STAC: variants seen among roughly 807,000 people sequenced by gnomAD.
STAC encodes SH3 and cysteine-rich domain-containing protein.
Under a neutral mutation model 48.8 loss-of-function variants are expected in STAC, and 43 were observed. That is an observed-to-expected ratio of 0.88 (90% CI 0.69 to 1.14). The LOEUF (loss-of-function observed/expected upper bound fraction) is 1.14, where lower values mean the gene tolerates loss of function less well. Among genes scored for constraint, STAC ranks in the 50% most tolerant of loss-of-function variants. The pLI, the probability that STAC is intolerant of heterozygous loss-of-function variation, is 0.00. For missense variants in STAC, 497 were observed against 504.0 expected, an observed-to-expected ratio of 0.99 and a Z score of 0.13; for synonymous variants, 193 against 179.5, an observed-to-expected ratio of 1.07 and a Z score of -0.60.
chr3:36,450,908 T>C (rs1696658073), intron 2 of STAC, among the ~76,000 whole-genome samples: 1 of 152,232 alleles, frequency 6.6e-6, no homozygotes, highest in Non-Finnish European at 1.5e-5. Flanking sequence ...TTCATGTTTG[T>C]TTGATAGGCC....
chr3:36,482,242 C>T (rs1014197761), intron 2 of STAC, among the ~76,000 whole-genome samples: 2 of 152,198 alleles, frequency 1.3e-5, no homozygotes, highest in African/African-American at 4.8e-5. Flanking sequence ...CGGTGTGCAG[C>T]ACCTGCCATC....
At chr3:36,400,165 A>C (rs1246593561) in intron 1 of STAC, among the ~76,000 whole-genome samples, 1 of 152,198 alleles carries the variant, frequency 6.6e-6, no homozygotes, top group Non-Finnish European at 1.5e-5. Context: ...GTTCGTTGTC[A>C]AATTCAGGTC....
At chr3:36,533,698 C>A (rs1161292679) in intron 10 of STAC, among the ~76,000 whole-genome samples, 2 of 152,096 alleles carry the variant, frequency 1.3e-5, no homozygotes, top group African/African-American at 4.8e-5. Context: ...GGCCTCATAC[C>A]TGCATTCTCT....
intron 10 of STAC, among the ~76,000 whole-genome samples, chr3:36,543,255 C>T (rs1699371785): frequency 6.6e-6 from 1 of 152,180 alleles, no homozygotes; most frequent in Non-Finnish European, 1.5e-5. Context: ...GTTTCAGGCT[C>T]TGCCATTGTT....
At chr3:36,497,939 C>A (rs775382910) in intron 6 of STAC, among the ~76,000 whole-genome samples, 2 of 152,070 alleles carry the variant, frequency 1.3e-5, no homozygotes, top group Non-Finnish European at 2.9e-5. Flanking sequence ...CAAATATAAA[C>A]CCTCTCTAGA....
rs898301696 is a variant in STAC at position 36,453,596 on chromosome 3, G to T, written c.388+9956G>T. On this transcript the variant is annotated intron_variant, in intron 2 of 10. Coordinates refer to ENST00000273183, the MANE Select transcript of STAC (RefSeq NM_003149.3). ...GCCTGAGCCTCCCACCCCCTCCGTG[G>T]GTTCCTGTGCGGCTGGAGCCTCCCT... Among the ~76,000 whole-genome samples, 4 of 152,114 alleles carry T rather than the reference G, an allele frequency of 2.6e-5. 1 individual carries two copies. The highest frequency in any genetic ancestry group is 9.6e-5 in the African/African-American group (4 of 41,452).
chr3:36,430,401 C>T (rs1257764231), intron 1 of STAC, among the ~76,000 whole-genome samples: 5 of 152,118 alleles, frequency 3.3e-5, no homozygotes, highest in African/African-American at 9.7e-5. Context: ...GGAGCTGAGA[C>T]TTAGATAATG....
chr3:36,443,620 T>A lies in STAC; in HGVS notation c.368T>A (p.Val123Asp), dbSNP rs566617320. Reference protein sequence around the residue: ...YIFKKPTFCDVCNHMIVGTNA... With the variant: ...YIFKKPTFCDDCNHMIVGTNA... ...TTCAAGAAGCCCACTTTCTGTGATGTCTGCAACCACATGATAGTGGGTAAG... is the reference window on the plus strand; with the variant it reads ...TTCAAGAAGCCCACTTTCTGTGATGACTGCAACCACATGATAGTGGGTAAG... Residue 123 changes from valine to aspartate, a missense_variant, in exon 2 of 11, where the codon GTC becomes GAC. Val to Asp is a radical substitution (Grantham distance 152). Transcript: ENST00000273183. The surrounding 1 kb of genome is among the most constrained non-coding windows in gnomAD (Gnocchi z 4.2). The A allele has an allele frequency of 6.2e-7, 1 of 1,612,836 alleles. No individual in the cohort carries two copies. The highest frequency in any genetic ancestry group is 2.2e-5 in the East Asian group (1 of 44,874).
At chr3:36,542,005 T>A (rs1021825559) in intron 10 of STAC, among the ~76,000 whole-genome samples, 1 of 148,864 alleles carries the variant, frequency 6.7e-6, no homozygotes, top group African/African-American at 2.5e-5. Context: ...GGAGGAAGGA[T>A]GGAGAGAGAA....
chr3:36,529,269 T>C (rs4635662), intron 10 of STAC: 6 of 199,902 alleles, frequency 3.0e-5, no homozygotes, highest in Non-Finnish European at 6.1e-5. Context: ...CGGTCTCTGA[T>C]GTGGACAGCT....
At chr3:36,402,361 G>A (rs1700013829) in intron 1 of STAC, among the ~76,000 whole-genome samples, 3 of 151,918 alleles carry the variant, frequency 2.0e-5, no homozygotes, top group Admixed American at 2.0e-4. Context: ...AAAGAGGGCG[G>A]TGAGGAAGAA....
At chr3:36,467,045 A>G (rs1363419353) in intron 2 of STAC, among the ~76,000 whole-genome samples, 4 of 151,710 alleles carry the variant, frequency 2.6e-5, no homozygotes, top group African/African-American at 9.7e-5. Flanking sequence ...TGAGGGTTTT[A>G]ATCATAAAGT....
intron 8 of STAC, among the ~76,000 whole-genome samples, chr3:36,520,052 G>GTC (rs1229655569): frequency 1.3e-5 from 2 of 152,148 alleles, no homozygotes; most frequent in African/African-American, 4.8e-5. Context: ...GAAAGGATAT[G>GTC]CCAGACGGGA....
At chr3:36,465,606 G>GGACA (rs1386309985) in intron 2 of STAC, among the ~76,000 whole-genome samples, 7 of 151,856 alleles carry the variant, frequency 4.6e-5, no homozygotes, top group African/African-American at 1.7e-4. Context: ...TCTCTTAGAG[G>GGACA]GACAGAACTA....
chr3:36,390,451 C>CTTTTTTTTTTT lies in STAC; in HGVS notation c.111+9708_111+9718dup, dbSNP rs59589769. Among the ~76,000 whole-genome samples the CTTTTTTTTTTT allele has an allele frequency of 5.1e-4, 41 of 80,830 alleles. 2 individuals are homozygous for CTTTTTTTTTTT. Among genetic ancestry groups the CTTTTTTTTTTT allele is most frequent in the Non-Finnish European group, 6.1e-4 (25 of 41,010 alleles). 53.0% of individuals were successfully genotyped at this position (80,830 alleles called of 152,430 possible). Reference sequence around the variant, plus strand: ...GAAGTAATCATGTGATTTTTCTTTTCTTTTTTTTTTTTTTTTTTTTTGTCC... The same window carrying CTTTTTTTTTTT: ...GAAGTAATCATGTGATTTTTCTTTTCTTTTTTTTTTTTTTTTTTTTTTTTTTTTTTTTGTCC... On this transcript the variant is annotated intron_variant, in intron 1 of 10. Transcript: ENST00000273183.
At chr3:36,493,474 G>A (rs769306668) in intron 6 of STAC, among the ~76,000 whole-genome samples, 29 of 143,666 alleles carry the variant, frequency 2.0e-4, no homozygotes, top group Middle Eastern at 3.3e-3. Flanking sequence ...ACTCTTATGA[G>A]AGTATATATA....
At chr3:36,498,405 A>G (rs1260774643) in intron 6 of STAC, among the ~76,000 whole-genome samples, 4 of 152,204 alleles carry the variant, frequency 2.6e-5, no homozygotes, top group Admixed American at 2.6e-4. Flanking sequence ...TAAAAGTGAC[A>G]TGAAAGATGA....
At chr3:36,516,210 C>A (rs750912830) in intron 8 of STAC, among the ~76,000 whole-genome samples, 1 of 151,950 alleles carries the variant, frequency 6.6e-6, no homozygotes, top group South Asian at 2.1e-4. Flanking sequence ...TCTCAAACTC[C>A]TGACCTCGTG....
At chr3:36,397,299 T>C (rs1354760249) in intron 1 of STAC, among the ~76,000 whole-genome samples, 1 of 152,230 alleles carries the variant, frequency 6.6e-6, no homozygotes, top group Admixed American at 6.5e-5. Flanking sequence ...ATTTAATTAA[T>C]ACATTTTTGC....
Sources: allele counts gnomAD v4.1 joint callset (sites outside exome capture counted in the v4.1 genomes callset), GRCh38; gene constraint gnomAD v4.1.1; non-coding constraint Gnocchi (gnomAD v3.1); transcripts MANE v1.5; gene names NCBI Gene and HGNC (gene_info 2026-07-23, HGNC 2026-07-21).